Variants in VEGFD observed in about 807,000 individuals in gnomAD.
The protein encoded by VEGFD is vascular endothelial growth factor D.
In VEGFD, 26 loss-of-function variants were observed where a neutral mutation model predicts 28.0. That is an observed-to-expected ratio of 0.93 (90% CI 0.68 to 1.29). The LOEUF (loss-of-function observed/expected upper bound fraction) is 1.29, where lower values mean the gene tolerates loss of function less well. VEGFD is among the 50% of genes most tolerant of loss of function. The pLI is 0.00. For synonymous variants in VEGFD, 93 were observed against 95.5 expected (o/e 0.97, Z 0.15); for missense variants, 294 against 273.4 (o/e 1.08, Z -0.53).
chrX:15,359,865 C>T (rs1365654978), intron 2 of VEGFD, among the ~76,000 whole-genome samples: 1 of 112,248 alleles, frequency 8.9e-6, no homozygotes, highest in Non-Finnish European at 1.9e-5. Flanking sequence ...AACATCTTAA[C>T]TGCAGCCTCC....
chrX:15,346,306 A>T, intron 6 of VEGFD, 47 bp from the exon 7 acceptor site: 1 of 1,165,225 alleles, frequency 8.6e-7, no homozygotes, highest in Admixed American at 2.3e-5. Flanking sequence ...CAATGACTGG[A>T]TTCAAAAGAA....
At chrX:15,379,457 G>A (rs1923514795) in intron 1 of VEGFD, among the ~76,000 whole-genome samples, 1 of 111,922 alleles carries the variant, frequency 8.9e-6, no homozygotes, top group Admixed American at 9.5e-5. Context: ...CAGTAGCAGG[G>A]GGCCTCAGGG....
At chrX:15,351,562 G>C (rs1218758855) in intron 5 of VEGFD, among the ~76,000 whole-genome samples, 1 of 112,061 alleles carries the variant, frequency 8.9e-6, no homozygotes, top group Admixed American at 9.4e-5. Flanking sequence ...GTCACATGGA[G>C]AAAGAATTAG....
chrX:15,367,057 G>C (rs1177838172), intron 1 of VEGFD, among the ~76,000 whole-genome samples: 5 of 111,892 alleles, frequency 4.5e-5, no homozygotes, highest in Non-Finnish European at 9.4e-5. Flanking sequence ...GGGGAAAGAG[G>C]CAACAGACAG....
At chrX:15,378,548 A>G (rs1923491161) in intron 1 of VEGFD, among the ~76,000 whole-genome samples, 2 of 111,775 alleles carry the variant, frequency 1.8e-5, no homozygotes, top group Non-Finnish European at 3.8e-5. Context: ...AGTAAACAAG[A>G]CAATTAAGAG....
chrX:15,363,839 C>T (rs1242337946), intron 1 of VEGFD, among the ~76,000 whole-genome samples: 1 of 111,882 alleles, frequency 8.9e-6, no homozygotes, highest in Admixed American at 9.4e-5. Flanking sequence ...CGGGGGATTG[C>T]CTAGAGCCAT....
chrX:15,382,295 G>A (rs1923599576), intron 1 of VEGFD, among the ~76,000 whole-genome samples: 1 of 96,837 alleles, frequency 1.0e-5, no homozygotes, highest in South Asian at 4.7e-4. Context: ...ACTCCAGCCT[G>A]GGTGACAGAG....
At chrX:15,357,123 C>G (rs1024628580) in intron 3 of VEGFD, among the ~76,000 whole-genome samples, 3 of 112,011 alleles carry the variant, frequency 2.7e-5, no homozygotes, top group African/African-American at 9.7e-5. Context: ...TACTACTGCT[C>G]TCATATGCGA....
intron 1 of VEGFD, among the ~76,000 whole-genome samples, chrX:15,364,914 A>AT (rs1156429028): frequency 1.8e-5 from 2 of 111,880 alleles, no homozygotes; most frequent in Non-Finnish European, 3.8e-5. Flanking sequence ...AGGAGGAGAA[A>AT]TTTTTTTTAG....
chrX:15,349,470 G>C (rs1006702070), intron 5 of VEGFD, among the ~76,000 whole-genome samples: 1 of 112,235 alleles, frequency 8.9e-6, no homozygotes, highest in African/African-American at 3.2e-5. Context: ...CGTCCCTAGA[G>C]AGTCTGATGA....
intron 1 of VEGFD, among the ~76,000 whole-genome samples, chrX:15,380,035 A>G (rs2146990556): frequency 8.9e-6 from 1 of 112,697 alleles, no homozygotes; most frequent in Non-Finnish European, 1.9e-5. Flanking sequence ...CTGGATTAAA[A>G]CAGATGTGTA....
chrX:15,374,345 C>T (rs745540181), intron 1 of VEGFD, among the ~76,000 whole-genome samples: 1 of 111,997 alleles, frequency 8.9e-6, no homozygotes, highest in East Asian at 2.8e-4. Flanking sequence ...AATGGGTGAA[C>T]GGTTCAGCAA....
At chrX:15,359,627 G>A (rs1403346352) in intron 2 of VEGFD, among the ~76,000 whole-genome samples, 3 of 110,252 alleles carry the variant, frequency 2.7e-5, no homozygotes. Context: ...TCCCACTTAT[G>A]AGTGAGAACA....
intron 1 of VEGFD, among the ~76,000 whole-genome samples, chrX:15,369,965 T>A (rs181631852): frequency 1.8e-5 from 2 of 112,331 alleles, no homozygotes; most frequent in Non-Finnish European, 3.8e-5. Context: ...ACTTGCTCTT[T>A]CGTTCATTTC....
chrX:15,347,489 C>G (rs1922585651), intron 5 of VEGFD, 130 bp from the exon 6 acceptor site: 1 of 449,657 alleles, frequency 2.2e-6, no homozygotes, highest in African/African-American at 2.5e-5. Flanking sequence ...TAGATTTATG[C>G]CCCTAATTTT....
chrX:15,366,854 T>C (rs1397047908), intron 1 of VEGFD, among the ~76,000 whole-genome samples: 1 of 112,544 alleles, frequency 8.9e-6, no homozygotes, highest in Admixed American at 9.4e-5. Flanking sequence ...AGCTTCAGCT[T>C]CATGGCTTTA....
At chrX:15,377,075 C>T (rs1306591522) in intron 1 of VEGFD, among the ~76,000 whole-genome samples, 1 of 112,372 alleles carries the variant, frequency 8.9e-6, no homozygotes, top group Non-Finnish European at 1.9e-5. Flanking sequence ...ATTTACATTA[C>T]TAAAGTTTCA....
intron 1 of VEGFD, among the ~76,000 whole-genome samples, chrX:15,375,725 G>A (rs115516896): frequency 0.011 from 1,180 of 111,611 alleles, 13 homozygotes; most frequent in African/African-American, 0.036. Flanking sequence ...GTGTGTGTGC[G>A]TGTGCATTTG....
chrX:15,365,419 C>T (rs760245998), intron 1 of VEGFD, among the ~76,000 whole-genome samples: 143 of 112,234 alleles, frequency 1.3e-3, no homozygotes, highest in Non-Finnish European at 1.8e-3. Context: ...AGACATGAGC[C>T]GCTGCGCCTG....
Sources: allele counts gnomAD v4.1 joint callset (sites outside exome capture counted in the v4.1 genomes callset), GRCh38; gene constraint gnomAD v4.1.1; transcripts MANE v1.5; gene names NCBI Gene and HGNC (gene_info 2026-07-23, HGNC 2026-07-21).